The following CNOT6 variants were observed in gnomAD, a reference collection of about 807,000 sequenced individuals.
CNOT6 encodes carbon catabolite repression 4 protein.
CNOT6 carries 12 observed loss-of-function variants against 61.2 expected under a neutral mutation model. That is an observed-to-expected ratio of 0.20 (90% CI 0.13 to 0.32). The LOEUF is 0.32. Among genes scored for constraint, CNOT6 ranks in the 10% least tolerant of loss-of-function variants. CNOT6 has a pLI of 1.00. For missense variants in CNOT6, 405 were observed against 663.9 expected, an observed-to-expected ratio of 0.61 and a Z score of 4.28; for synonymous variants, 225 against 240.6, an observed-to-expected ratio of 0.94 and a Z score of 0.60.
At chr5:180,558,348 A>G (rs1300757244) in intron 4 of CNOT6, among the ~76,000 whole-genome samples, 1 of 152,172 alleles carries the variant, frequency 6.6e-6, no homozygotes, top group Non-Finnish European at 1.5e-5. Flanking sequence ...TGCAGGATCC[A>G]TGCCACGGGA....
At chr5:180,521,479 G>A (rs1757876119) in intron 1 of CNOT6, among the ~76,000 whole-genome samples, 1 of 152,090 alleles carries the variant, frequency 6.6e-6, no homozygotes, top group African/African-American at 2.4e-5. Context: ...ATATCTTTTG[G>A]GGTGTGTATA....
chr5:180,506,569 T>C (rs1427316666), intron 1 of CNOT6, among the ~76,000 whole-genome samples: 1 of 152,234 alleles, frequency 6.6e-6, no homozygotes, highest in Admixed American at 6.5e-5. Flanking sequence ...CCATTACACC[T>C]ATCTATTTGA....
At chr5:180,506,591 A>G (rs1293575973) in intron 1 of CNOT6, among the ~76,000 whole-genome samples, 1 of 152,096 alleles carries the variant, frequency 6.6e-6, no homozygotes, top group African/African-American at 2.4e-5. Context: ...GTTTGCTCTT[A>G]TTTTGCCGTA....
At chr5:180,533,312 C>CTATATGTATA (rs71591497) in intron 2 of CNOT6, among the ~76,000 whole-genome samples, 5 of 127,642 alleles carry the variant, frequency 3.9e-5, no homozygotes, top group African/African-American at 1.6e-4. Flanking sequence ...GGATGAAAAC[C>CTATATGTATA]TATATATATA....
Position 180,529,324 on chromosome 5 carries a change from A to T in CNOT6, c.48A>T (p.Thr16=). ...CCCCTGACCCTCGGAGGATGTATAC[A>T]ATTATGTCTTCTGAGGAAGCAGCAA... ...YEPPDPRRMY[T]IMSSEEAANG... Residue 16 remains threonine (T), a synonymous_variant, in exon 2 of 12, where the codon ACA becomes ACT. Coordinates refer to ENST00000261951, the MANE Select transcript of CNOT6 (RefSeq NM_001370472.1). 1.2e-6 allele frequency: 2 copies of T among 1,613,924 alleles called. No individual in the cohort carries two copies. Among genetic ancestry groups the T allele is most frequent in the Non-Finnish European group, 1.7e-6 (2 of 1,179,884 alleles).
intron 4 of CNOT6, among the ~76,000 whole-genome samples, chr5:180,557,745 C>G (rs1438982435): frequency 6.6e-6 from 1 of 152,104 alleles, no homozygotes; most frequent in Admixed American, 6.5e-5. Flanking sequence ...GATCCTGATT[C>G]TTGTTTCAAG....
intron 4 of CNOT6, among the ~76,000 whole-genome samples, chr5:180,563,799 C>G (rs1483506596): frequency 6.6e-6 from 1 of 152,150 alleles, no homozygotes; most frequent in East Asian, 1.9e-4. Flanking sequence ...GTTATTTGTA[C>G]TTTTATTTCT....
chr5:180,565,016 G>A (rs1372280765), intron 6 of CNOT6, among the ~76,000 whole-genome samples: 4 of 152,226 alleles, frequency 2.6e-5, no homozygotes, highest in Non-Finnish European at 5.9e-5. Flanking sequence ...TTTGATGGTC[G>A]TAACTGGGGA....
chr5:180,540,243 T>C (rs1758964912), intron 2 of CNOT6, among the ~76,000 whole-genome samples: 1 of 152,194 alleles, frequency 6.6e-6, no homozygotes, highest in Non-Finnish European at 1.5e-5. Context: ...TCCCCCTTGG[T>C]TGTAGTGATG....
chr5:180,510,153 T>G, intron 1 of CNOT6, among the ~76,000 whole-genome samples: 1 of 130,036 alleles, frequency 7.7e-6, no homozygotes, highest in African/African-American at 3.0e-5. Flanking sequence ...TTTTTTTTTT[T>G]TTTTTTTTTT....
chr5:180,515,244 C>T (rs996312252), intron 1 of CNOT6, among the ~76,000 whole-genome samples: 1 of 149,978 alleles, frequency 6.7e-6, no homozygotes, highest in Non-Finnish European at 1.5e-5. Context: ...ATAGTGATGC[C>T]TCCCATCTCT....
intron 2 of CNOT6, among the ~76,000 whole-genome samples, chr5:180,545,499 T>C (rs2131811): frequency 0.45 from 67,944 of 151,962 alleles, 16,063 homozygotes; most frequent in Non-Finnish European, 0.54. Context: ...TCTGCTCTTA[T>C]CCTCTATACT....
chr5:180,542,884 T>G (rs1360304218), intron 2 of CNOT6, among the ~76,000 whole-genome samples: 1 of 152,162 alleles, frequency 6.6e-6, no homozygotes, highest in Non-Finnish European at 1.5e-5. Flanking sequence ...AGTAGATAGA[T>G]ATGAGATTAT....
intron 3 of CNOT6, among the ~76,000 whole-genome samples, chr5:180,550,344 G>A (rs1208091933): frequency 3.3e-5 from 5 of 151,952 alleles, no homozygotes; most frequent in African/African-American, 4.8e-5. Context: ...CCAGCTACTC[G>A]GGAGGCTGAG....
rs1758039459 is a variant in CNOT6 at position 180,525,110 on chromosome 5, T to C, written c.-2-4165T>C. Among the ~76,000 whole-genome samples the C allele has an allele frequency of 2.6e-5, 4 of 152,244 alleles. No homozygotes were observed. The South Asian group carries it at 8.3e-4, about 31-fold the overall frequency. On this transcript the variant is annotated intron_variant, in intron 1 of 11. Coordinates refer to ENST00000261951, the MANE Select transcript of CNOT6 (RefSeq NM_001370472.1). ...TTTATCCGTCTAAAAACAGCAGTTA[T>C]TATATTTCTATATTGAAGAAACTAA...
intron 2 of CNOT6, among the ~76,000 whole-genome samples, chr5:180,547,748 T>G (rs954915210): frequency 6.6e-6 from 1 of 152,162 alleles, no homozygotes; most frequent in South Asian, 2.1e-4. Flanking sequence ...TGTTTGTTTG[T>G]TTTGAACTGG....
chr5:180,525,515 G>T (rs1326670672), intron 1 of CNOT6, among the ~76,000 whole-genome samples: 1 of 151,602 alleles, frequency 6.6e-6, no homozygotes, highest in Non-Finnish European at 1.5e-5. Flanking sequence ...CTCCAGCCTG[G>T]GTGACAAAGT....
At chr5:180,557,625 A>C (rs76020315) in intron 4 of CNOT6, among the ~76,000 whole-genome samples, 2,745 of 152,180 alleles carry the variant, frequency 0.018, 71 homozygotes, top group African/African-American at 0.062. Flanking sequence ...TCGTTGGTGG[A>C]ATATGTGGTT....
rs1184477871 is a variant in CNOT6 at position 180,565,866 on chromosome 5, G to A, written c.606G>A (p.Ala202=). The part of the protein sequence containing the change: ...MCYNVLCDKY[A]TRQLYGYCPS... Reference sequence around the variant, plus strand: ...ATAATGTTCTTTGTGATAAATATGCGACCCGGCAGTTATACGGCTACTGTC... The same window carrying A: ...ATAATGTTCTTTGTGATAAATATGCAACCCGGCAGTTATACGGCTACTGTC... Residue 202 remains alanine (A), a synonymous_variant, in exon 7 of 12, where the codon GCG becomes GCA. Coordinates refer to ENST00000261951, the MANE Select transcript of CNOT6 (RefSeq NM_001370472.1). The A allele has an allele frequency of 3.7e-6, 6 of 1,612,904 alleles. No homozygotes were observed. The highest frequency in any genetic ancestry group is 2.2e-5 in the East Asian group (1 of 44,864).
Sources: allele counts gnomAD v4.1 joint callset (sites outside exome capture counted in the v4.1 genomes callset), GRCh38; gene constraint gnomAD v4.1.1; transcripts MANE v1.5; gene names NCBI Gene and HGNC (gene_info 2026-07-23, HGNC 2026-07-21).